ADH7: variants seen among roughly 807,000 people sequenced by gnomAD.
The protein encoded by ADH7 is alcohol dehydrogenase 7 (class IV), mu or sigma polypeptide.
Under a neutral mutation model 34.4 loss-of-function variants are expected in ADH7, and 41 were observed. That is an observed-to-expected ratio of 1.19 (90% CI 0.93 to 1.55). The LOEUF (loss-of-function observed/expected upper bound fraction) is 1.55, where lower values mean the gene tolerates loss of function less well. Ranked by LOEUF, ADH7 falls within the 40% of genes most tolerant of loss-of-function variation. The pLI, the probability that ADH7 is intolerant of heterozygous loss-of-function variation, is 0.00. For missense variants in ADH7, 540 were observed against 461.2 expected, an observed-to-expected ratio of 1.17 and a Z score of -1.56; for synonymous variants, 180 against 160.9, an observed-to-expected ratio of 1.12 and a Z score of -0.90.
intron 5 of ADH7, among the ~76,000 whole-genome samples, chr4:99,422,220 A>G (rs1721682639): frequency 6.6e-6 from 1 of 152,224 alleles, no homozygotes; most frequent in Non-Finnish European, 1.5e-5. Context: ...TTATTGCAGC[A>G]CTATTTACAA....
At position 99,420,880 on chromosome 4, in the gene ADH7, A is replaced by T; in HGVS notation, c.565-87T>A. Reference sequence around the variant, plus strand: ...GGGCCTCCAGTTAAAAACACAAATCATGAGTGAACTCCCATTCACAATTGC... The same window carrying T: ...GGGCCTCCAGTTAAAAACACAAATCTTGAGTGAACTCCCATTCACAATTGC... On this transcript the variant is annotated intron_variant, in intron 5 of 8. Coordinates refer to ENST00000437033, the MANE Select transcript of ADH7 (RefSeq NM_000673.7). The T allele has an allele frequency of 3.3e-6, 4 of 1,223,440 alleles. No individual in the cohort carries two copies. The South Asian group carries it at 4.2e-5, about 13-fold the overall frequency. The allele number at this position is 1,223,440 out of a possible 1,614,324, so 75.8% of individuals were successfully genotyped here. A position where few individuals can be genotyped will look rare whatever the true frequency, so the allele number is the denominator to read the frequency against.
Position 99,415,583 on chromosome 4 carries a change from A to G in ADH7, c.995T>C (p.Val332Ala). 1 of 1,613,606 alleles carries G rather than the reference A, an allele frequency of 6.2e-7. No homozygotes were observed. Among genetic ancestry groups the G allele is most frequent in the Non-Finnish European group, 8.5e-7 (1 of 1,179,698 alleles). ...AAATTTCTTTGCCAGGAACTCAGTC[A>G]CTAGTTTTGGGACATCATCTCTGCT... is the stretch of plus-strand genomic sequence containing the variant. The part of the protein sequence containing the change: ...LKSRDDVPKL[V>A]TEFLAKKFDL... The change falls in exon 8 of 9, where the codon GTG becomes GCG. Residue 332 changes from valine (V) to alanine (A), a missense_variant. Physicochemically the swap from Val to Ala is moderately conservative, Grantham distance 64. Coordinates refer to ENST00000437033, the MANE Select transcript of ADH7 (RefSeq NM_000673.7).
intron 1 of ADH7, among the ~76,000 whole-genome samples, chr4:99,434,161 C>T (rs889283155): frequency 6.6e-6 from 1 of 152,128 alleles, no homozygotes; most frequent in African/African-American, 2.4e-5. Context: ...ATATCGACTT[C>T]CTAGAAATAG....
intron 7 of ADH7, among the ~76,000 whole-genome samples, chr4:99,418,030 T>C (rs1430687458): frequency 6.6e-6 from 1 of 152,170 alleles, no homozygotes; most frequent in Admixed American, 6.5e-5. Flanking sequence ...TTGAGAGCTA[T>C]AGGGGCAAAA....
chr4:99,428,754 TTTACTC>T, intron 2 of ADH7, 124 bp from the exon 3 acceptor site: 1 of 1,270,462 alleles, frequency 7.9e-7, no homozygotes, highest in African/African-American at 1.5e-5. Context: ...TATAACAACA[TTTACTC>T]TTAGACTATT....
intron 1 of ADH7, chr4:99,434,968 C>A (rs1579583225): frequency 7.3e-7 from 1 of 1,370,152 alleles, no homozygotes; most frequent in East Asian, 2.5e-5. Context: ...CAATATAAAT[C>A]AATTTCTCTA....
chr4:99,413,080 A>G lies in ADH7; in HGVS notation c.*68T>C. 1 of 1,503,722 alleles carries G rather than the reference A, an allele frequency of 6.7e-7. No individual in the cohort carries two copies. The highest frequency in any genetic ancestry group is 9.2e-7 in the Non-Finnish European group (1 of 1,083,278). The allele number at this position is 1,503,722 out of a possible 1,614,324, so 93.1% of individuals were successfully genotyped here. A position where few individuals can be genotyped will look rare whatever the true frequency, so the allele number is the denominator to read the frequency against. On this transcript the variant is annotated 3_prime_UTR_variant, in exon 9 of 9. Transcript: ENST00000437033. ...TTGTGAGACAGATACATGATTTCAG[A>G]TGAGGGAACTCTCACAAGAGAAACT...
At chr4:99,428,323 T>C (rs948427104) in intron 3 of ADH7, 149 bp from the exon 4 acceptor site, 1 of 1,248,828 alleles carries the variant, frequency 8.0e-7, no homozygotes, top group Non-Finnish European at 1.1e-6. Flanking sequence ...TTCTAAAGGT[T>C]GAGGTTTTGC....
At chr4:99,420,482 G>C (rs780510525) in intron 6 of ADH7, 51 bp downstream of exon 6, 20 of 1,553,638 alleles carry the variant, frequency 1.3e-5, no homozygotes, top group East Asian at 9.0e-5. Context: ...TTTACCTTGT[G>C]CATGTCTAAT....
chr4:99,415,291 GTT>G (rs35672109), intron 8 of ADH7, 185 bp downstream of exon 8: 52,597 of 565,874 alleles, frequency 0.093, 3,643 homozygotes, highest in African/African-American at 0.35. Context: ...GTCTCGGGCA[GTT>G]TTTTTTTTTT....
chr4:99,426,031 T>A lies in ADH7; in HGVS notation c.564+1742A>T, dbSNP rs191391706. ...ACCAATGAAAACAAATACACAGCAT[T>A]CGAGAATCTCTGGGACACATTCAAA... On this transcript the variant is annotated intron_variant, in intron 5 of 8. Transcript: ENST00000437033. 3.2e-3 allele frequency among the ~76,000 whole-genome samples: 483 copies of A among 152,166 alleles called. 5 individuals are homozygous for A. Among genetic ancestry groups the A allele is most frequent in the African/African-American group, 0.011 (453 of 41,500 alleles).
rs1223438503 is a variant in ADH7, at chr4:99,428,169, TG to T, written c.264del (p.Asp88GlufsTer54). On this transcript the variant is annotated frameshift_variant, in exon 4 of 9. Coordinates refer to ENST00000437033, the MANE Select transcript of ADH7 (RefSeq NM_000673.7). LOFTEE classifies it high-confidence loss of function. ...TGTGGCAGAAAGAGAGGGATGACTT[TG>T]TCACCTACAGGAAAAAAATCATGAT... is the stretch of plus-strand genomic sequence containing the variant. ...GEGVTTVKPG[D>X]KVIPLFLPQC... The T allele has an allele frequency of 1.2e-6, 2 of 1,613,564 alleles. No homozygotes were observed. The highest frequency in any genetic ancestry group is 1.7e-6 in the Non-Finnish European group (2 of 1,179,702).
chr4:99,429,393 A>G, intron 2 of ADH7, 139 bp downstream of exon 2: 1 of 595,356 alleles, frequency 1.7e-6, no homozygotes, highest in Non-Finnish European at 2.9e-6. Context: ...CCTTAACAAT[A>G]TATAAGAGCC....
chr4:99,431,911 T>C (rs1003462669), intron 1 of ADH7, among the ~76,000 whole-genome samples: 1 of 152,210 alleles, frequency 6.6e-6, no homozygotes, highest in Admixed American at 6.5e-5. Context: ...AGTCTGGCCA[T>C]TTCTCAAAGA....
At position 99,415,551 on chromosome 4, in the gene ADH7, C is replaced by A; in HGVS notation, c.1027G>T (p.Asp343Tyr). The A allele has an allele frequency of 6.2e-7, 1 of 1,613,552 alleles. No homozygotes were observed. Among genetic ancestry groups the A allele is most frequent in the Non-Finnish European group, 8.5e-7 (1 of 1,179,688 alleles). Reference protein sequence around the residue: ...TEFLAKKFDLDQLITHVLPFK... With the variant: ...TEFLAKKFDLYQLITHVLPFK... ...GGTAAAACATGAGTTATCAACTGGT[C>A]CAGGTCAAATTTCTTTGCCAGGAAC... Residue 343 changes from aspartate to tyrosine, a missense_variant, in exon 8 of 9, where the codon GAC becomes TAC. By Grantham distance (160) the Asp-to-Tyr change is radical (BLOSUM62 -3). Transcript: ENST00000437033.
intron 7 of ADH7, among the ~76,000 whole-genome samples, chr4:99,418,153 T>C (rs971519114): frequency 3.3e-5 from 5 of 152,230 alleles, no homozygotes; most frequent in African/African-American, 1.2e-4. Context: ...TAACATAGAA[T>C]AAATGCTAAA....
intron 7 of ADH7, among the ~76,000 whole-genome samples, chr4:99,416,923 T>C (rs769597738): frequency 1.3e-5 from 2 of 152,180 alleles, no homozygotes; most frequent in African/African-American, 4.8e-5. Context: ...GATGGTGACA[T>C]GATTCCTGTT....
At chr4:99,429,769 A>G in intron 1 of ADH7, 136 bp from the exon 2 acceptor site, 1 of 619,068 alleles carries the variant, frequency 1.6e-6, no homozygotes, top group Non-Finnish European at 2.7e-6. Context: ...AAACACTAGT[A>G]TTATAAGCCT....
At chr4:99,417,802 T>C (rs1721554564) in intron 7 of ADH7, among the ~76,000 whole-genome samples, 1 of 152,168 alleles carries the variant, frequency 6.6e-6, no homozygotes, top group Non-Finnish European at 1.5e-5. Flanking sequence ...GAATAATCTA[T>C]AATCTTCCCA....
Sources: gnomAD v4.1 joint callset for allele counts (sites outside exome capture counted in the v4.1 genomes callset) on GRCh38, gnomAD v4.1.1 for gene constraint, MANE v1.5 for transcripts, NCBI Gene and HGNC (gene_info 2026-07-23, HGNC 2026-07-21) for gene names.